PDE1C: variants seen among roughly 807,000 people sequenced by gnomAD.
PDE1C encodes the protein dual specificity calcium/calmodulin-dependent 3',5'-cyclic nucleotide phosphodiesterase 1C.
Under a neutral mutation model 93.1 loss-of-function variants are expected in PDE1C, and 62 were observed. The observed-to-expected ratio is 0.67, with a 90% CI of 0.54 to 0.82. The LOEUF (loss-of-function observed/expected upper bound fraction) is 0.82, where lower values mean the gene tolerates loss of function less well. Ranked by LOEUF, PDE1C falls within the 40% of genes least tolerant of loss-of-function variation. The pLI is 0.00. For synonymous variants in PDE1C, 325 were observed against 310.1 expected (o/e 1.05, Z -0.50); for missense variants, 742 against 884.6 (o/e 0.84, Z 2.04).
At chr7:31,897,119 C>A (rs1799414221) in intron 2 of PDE1C, among the ~76,000 whole-genome samples, 1 of 152,114 alleles carries the variant, frequency 6.6e-6, no homozygotes, top group Admixed American at 6.5e-5. Flanking sequence ...CTGACAAGGT[C>A]TTGTATTTTT....
At chr7:32,249,776 G>A (rs927644857) in intron 1 of PDE1C, among the ~76,000 whole-genome samples, 10 of 152,214 alleles carry the variant, frequency 6.6e-5, no homozygotes, top group African/African-American at 9.6e-5. Context: ...CAATCATCAC[G>A]TCTTAAGTAT....
At chr7:31,760,544 A>T (rs749577161) in intron 17 of PDE1C, among the ~76,000 whole-genome samples, 5 of 152,138 alleles carry the variant, frequency 3.3e-5, no homozygotes, top group Admixed American at 6.5e-5. Context: ...CAGTATCTTC[A>T]GGTGGAGGTT....
chr7:31,699,687 G>A, the PDE1C span, among the ~76,000 whole-genome samples: 4,443 of 151,824 alleles, frequency 0.029, 102 homozygotes, highest in Middle Eastern at 0.041. Flanking sequence ...CCTGCATCTA[G>A]CAAGTCTATT....
chr7:32,071,747 T>C (rs551620046), upstream of PDE1C, among the ~76,000 whole-genome samples: 13 of 151,970 alleles, frequency 8.6e-5, no homozygotes, highest in African/African-American at 1.7e-4. Context: ...AGGTATGAAG[T>C]TGGGAGTCAG....
the PDE1C span, among the ~76,000 whole-genome samples, chr7:31,712,703 GT>G: frequency 6.6e-6 from 1 of 152,154 alleles, no homozygotes; most frequent in Non-Finnish European, 1.5e-5. Context: ...AGAAAAAGAG[GT>G]TTAATGGACT....
intron 17 of PDE1C, among the ~76,000 whole-genome samples, chr7:31,768,190 T>TG (rs1047303223): frequency 3.3e-5 from 5 of 152,134 alleles, no homozygotes; most frequent in Non-Finnish European, 4.4e-5. Context: ...GCTTTCTACT[T>TG]GGGGGGTTGG....
chr7:31,895,379 C>T (rs1445479831), intron 2 of PDE1C, among the ~76,000 whole-genome samples: 1 of 152,106 alleles, frequency 6.6e-6, no homozygotes, highest in Non-Finnish European at 1.5e-5. Context: ...TGTGACCAAG[C>T]AGACAAGAGA....
upstream of PDE1C, among the ~76,000 whole-genome samples, chr7:32,072,656 C>T (rs1470260064): frequency 6.6e-6 from 1 of 152,160 alleles, no homozygotes; most frequent in Non-Finnish European, 1.5e-5. Context: ...TTCCATAGCC[C>T]AAGCATTGTT....
the PDE1C span, among the ~76,000 whole-genome samples, chr7:31,621,859 C>T: frequency 2.0e-5 from 3 of 151,794 alleles, no homozygotes; most frequent in African/African-American, 4.8e-5. Context: ...ATTCAGGAAA[C>T]CCATCTCACA....
upstream of PDE1C, among the ~76,000 whole-genome samples, chr7:32,073,535 C>T (rs186281189): frequency 3.5e-4 from 53 of 152,322 alleles, no homozygotes; most frequent in African/African-American, 1.1e-3. Context: ...GAGTCCACCT[C>T]TGCCTCCTCT....
chr7:32,222,693 C>T (rs754704314), intron 1 of PDE1C, among the ~76,000 whole-genome samples: 1 of 152,128 alleles, frequency 6.6e-6, no homozygotes, highest in Non-Finnish European at 1.5e-5. Context: ...TCCAGGGTCG[C>T]ATGAATGCCC....
At chr7:31,945,084 T>C (rs1356127213) in intron 2 of PDE1C, among the ~76,000 whole-genome samples, 1 of 152,148 alleles carries the variant, frequency 6.6e-6, no homozygotes, top group African/African-American at 2.4e-5. Flanking sequence ...ATGTAGTCCA[T>C]CTAAATTGAA....
intron 1 of PDE1C, among the ~76,000 whole-genome samples, chr7:32,421,086 AACACACAC>A (rs3079693): frequency 2.7e-5 from 4 of 150,626 alleles, no homozygotes; most frequent in East Asian, 2.0e-4. Flanking sequence ...GATTAAAACT[AACACACAC>A]ACACACACAC....
chr7:32,203,553 C>T (rs1225051951), intron 2 of PDE1C, among the ~76,000 whole-genome samples: 2 of 152,186 alleles, frequency 1.3e-5, no homozygotes, highest in Non-Finnish European at 2.9e-5. Context: ...ACCCTAAGTA[C>T]TCCAGCTCTT....
At chr7:31,915,076 C>T (rs986218246) in intron 2 of PDE1C, among the ~76,000 whole-genome samples, 12 of 152,186 alleles carry the variant, frequency 7.9e-5, no homozygotes, top group African/African-American at 2.9e-4. Flanking sequence ...AATATTCACT[C>T]ATCCCATCAT....
chr7:31,642,584 C>G, the PDE1C span: 4 of 1,102,334 alleles, frequency 3.6e-6, no homozygotes, highest in African/African-American at 6.3e-5. Flanking sequence ...CCCTTATCTC[C>G]TGACTCCTAA....
At chr7:31,762,743 A>T (rs6957224) in intron 17 of PDE1C, among the ~76,000 whole-genome samples, 12,299 of 152,214 alleles carry the variant, frequency 0.081, 681 homozygotes, top group Non-Finnish European at 0.11. Flanking sequence ...CACACAGAGC[A>T]AAGAATGCAG....
At chr7:32,360,291 G>A (rs959910469) in intron 1 of PDE1C, among the ~76,000 whole-genome samples, 2 of 152,236 alleles carry the variant, frequency 1.3e-5, no homozygotes, top group Non-Finnish European at 1.5e-5. Context: ...TTAGTAAGAT[G>A]AGAGACCTAA....
chr7:32,316,509 T>C (rs1054403649), intron 1 of PDE1C, among the ~76,000 whole-genome samples: 11 of 152,202 alleles, frequency 7.2e-5, no homozygotes, highest in African/African-American at 2.2e-4. Flanking sequence ...ATAATCACCA[T>C]ACACGGCAAG....
Sources: gnomAD v4.1 joint callset for allele counts (sites outside exome capture counted in the v4.1 genomes callset) on GRCh38, gnomAD v4.1.1 for gene constraint, MANE v1.5 for transcripts, NCBI Gene and HGNC (gene_info 2026-07-23, HGNC 2026-07-21) for gene names.